Variants in ATOSB observed in about 807,000 individuals in gnomAD.
ATOSB encodes atos homolog protein B.
the ATOSB span, chr9:35,105,351 C>T: frequency 9.9e-6 from 16 of 1,613,054 alleles, no homozygotes; most frequent in Admixed American, 1.7e-5. The surrounding 1 kb of genome is among the most constrained non-coding windows in gnomAD (Gnocchi z 5.5). Flanking sequence ...CAGGCTTAAG[C>T]GGCCTGAGCG....
chr9:35,106,640 G>A, the ATOSB span: 2 of 1,549,706 alleles, frequency 1.3e-6, no homozygotes, highest in Admixed American at 2.0e-5. The surrounding 1 kb of genome is among the most constrained non-coding windows in gnomAD (Gnocchi z 4.6). Context: ...TTCGAAGGGG[G>A]CTCCTGGTAG....
chr9:35,115,875 C>T, the ATOSB span: 1 of 152,460 alleles, frequency 6.6e-6, no homozygotes, highest in Non-Finnish European at 1.5e-5. Context: ...GCAGCCCTAG[C>T]TGTAGCCTCC....
the ATOSB span, chr9:35,106,265 G>A: frequency 1.1e-5 from 17 of 1,613,672 alleles, no homozygotes; most frequent in Admixed American, 1.2e-4. This position sits in a 1 kb window ranked among gnomAD's most constrained non-coding sequence, Gnocchi z 4.6. Context: ...GAAGGGAGCC[G>A]GGGCATTTTG....
At chr9:35,106,843 G>C in the ATOSB span, 7 of 1,570,396 alleles carry the variant, frequency 4.5e-6, no homozygotes, top group South Asian at 8.2e-5. This position sits in a 1 kb window ranked among gnomAD's most constrained non-coding sequence, Gnocchi z 4.6. Context: ...AGCTTCAGGC[G>C]ACGGGCTCCT....
chr9:35,105,975 C>A, the ATOSB span: 1 of 1,614,042 alleles, frequency 6.2e-7, no homozygotes, highest in Non-Finnish European at 8.5e-7. The surrounding 1 kb of genome is among the most constrained non-coding windows in gnomAD (Gnocchi z 5.5). Flanking sequence ...CACGCTGTAA[C>A]CCTTCCTCCC....
chr9:35,106,754 C>T, the ATOSB span: 1 of 1,515,458 alleles, frequency 6.6e-7, no homozygotes, highest in African/African-American at 1.4e-5. This position sits in a 1 kb window ranked among gnomAD's most constrained non-coding sequence, Gnocchi z 4.6. Context: ...CCTGGGGTCC[C>T]CTACTCGGAT....
the ATOSB span, chr9:35,105,715 G>A: frequency 1.3e-4 from 215 of 1,613,862 alleles, no homozygotes; most frequent in Non-Finnish European, 1.7e-4. The surrounding 1 kb of genome is among the most constrained non-coding windows in gnomAD (Gnocchi z 5.5). Flanking sequence ...GAGGCGGTGG[G>A]TGGGGTTAGC....
chr9:35,106,725 C>A, the ATOSB span: 6 of 1,465,510 alleles, frequency 4.1e-6, 1 homozygote, highest in Non-Finnish European at 4.7e-6. The surrounding 1 kb of genome is among the most constrained non-coding windows in gnomAD (Gnocchi z 4.6). Context: ...CACCCTCTGC[C>A]ACTATGTAGG....
At chr9:35,105,724 G>C in the ATOSB span, 1 of 1,614,008 alleles carries the variant, frequency 6.2e-7, no homozygotes, top group South Asian at 1.1e-5. This position sits in a 1 kb window ranked among gnomAD's most constrained non-coding sequence, Gnocchi z 5.5. Context: ...GGTGGGGTTA[G>C]CATTTCCCTC....
the ATOSB span, among the ~76,000 whole-genome samples, chr9:35,115,124 G>C: frequency 6.6e-6 from 1 of 151,998 alleles, no homozygotes; most frequent in Non-Finnish European, 1.5e-5. Context: ...GGAACCCAGC[G>C]GGGGAAGGGT....
At chr9:35,106,437 G>A in the ATOSB span, 71 of 1,613,968 alleles carry the variant, frequency 4.4e-5, no homozygotes, top group Non-Finnish European at 5.9e-5. This position sits in a 1 kb window ranked among gnomAD's most constrained non-coding sequence, Gnocchi z 4.6. Context: ...GAAAACACAT[G>A]AAGAGAGAGA....
At chr9:35,113,832 A>T in the ATOSB span, among the ~76,000 whole-genome samples, 1 of 152,052 alleles carries the variant, frequency 6.6e-6, no homozygotes, top group Non-Finnish European at 1.5e-5. Context: ...GTTCATGCTC[A>T]TATTCCCAGA....
chr9:35,105,248 A>G, the ATOSB span: 3 of 1,613,720 alleles, frequency 1.9e-6, no homozygotes, highest in Non-Finnish European at 2.5e-6. This position sits in a 1 kb window ranked among gnomAD's most constrained non-coding sequence, Gnocchi z 5.5. Context: ...AACGTGGATT[A>G]TGAGGGGCCT....
the ATOSB span, among the ~76,000 whole-genome samples, chr9:35,113,389 G>A: frequency 3.9e-5 from 6 of 152,146 alleles, no homozygotes; most frequent in Non-Finnish European, 8.8e-5. Flanking sequence ...ACTTTGGGAG[G>A]CCAAAGTGGG....
the ATOSB span, chr9:35,105,455 AC>A: frequency 6.6e-7 from 1 of 1,506,770 alleles, no homozygotes; most frequent in Non-Finnish European, 9.0e-7. This position sits in a 1 kb window ranked among gnomAD's most constrained non-coding sequence, Gnocchi z 5.5. Context: ...GCTTTGGGAG[AC>A]CCAGGTGGGA....
chr9:35,114,344 A>C, the ATOSB span, among the ~76,000 whole-genome samples: 1 of 149,592 alleles, frequency 6.7e-6, no homozygotes, highest in African/African-American at 2.5e-5. Flanking sequence ...TTTTTACCCC[A>C]CCCTACCCCA....
At chr9:35,108,573 C>A in the ATOSB span, 1 of 1,203,282 alleles carries the variant, frequency 8.3e-7, no homozygotes. Context: ...CACACTTCCC[C>A]CTCTTCTCCC....
chr9:35,108,415 T>A, the ATOSB span: 1 of 1,406,500 alleles, frequency 7.1e-7, no homozygotes, highest in African/African-American at 1.5e-5. Flanking sequence ...TCCAGCTGAG[T>A]TTCAGACCCT....
At chr9:35,106,210 T>G in the ATOSB span, 1 of 1,611,006 alleles carries the variant, frequency 6.2e-7, no homozygotes, top group Non-Finnish European at 8.5e-7. The surrounding 1 kb of genome is among the most constrained non-coding windows in gnomAD (Gnocchi z 4.6). Flanking sequence ...CAAATCCTCA[T>G]CCTCTTGATG....
Sources: allele counts gnomAD v4.1 joint callset (sites outside exome capture counted in the v4.1 genomes callset), GRCh38; gene constraint gnomAD v4.1.1; non-coding constraint Gnocchi (gnomAD v3.1); transcripts MANE v1.5; gene names NCBI Gene and HGNC (gene_info 2026-07-23, HGNC 2026-07-21).